Variants in CHRNB2 observed in about 807,000 individuals in gnomAD.
CHRNB2 encodes neuronal acetylcholine receptor subunit beta-2.
In CHRNB2, 33 loss-of-function variants were observed where a neutral mutation model predicts 42.7. The observed-to-expected ratio is 0.77, with a 90% CI of 0.59 to 1.03. The LOEUF is 1.03. Ranked by LOEUF, CHRNB2 falls within the 50% of genes least tolerant of loss-of-function variation. CHRNB2 has a pLI of 0.00. For synonymous variants in CHRNB2, 325 were observed against 292.9 expected, an observed-to-expected ratio of 1.11 and a Z score of -1.12; for missense variants, 603 against 700.9, an observed-to-expected ratio of 0.86 and a Z score of 1.58.
Position 154,572,164 on chromosome 1 carries a change from G to C in CHRNB2, c.1338+3G>C. On this transcript the variant is annotated splice_donor_region_variant and intron_variant, in intron 5 of 5. Transcript: ENST00000368476. The stretch of plus-strand genomic sequence containing the variant: ...GGAGCGAGGACGATGACCAGAGCGT[G>C]AGTGCCGCAGGCTGGGACCCCGGGC... The C allele has an allele frequency of 2.0e-6, 3 of 1,536,948 alleles. No homozygotes were observed. The highest frequency in any genetic ancestry group is 2.6e-6 in the Non-Finnish European group (3 of 1,146,516).
Position 154,571,068 on chromosome 1 carries a change from A to G in CHRNB2, c.366-121A>G. On this transcript the variant is annotated intron_variant, in intron 4 of 5. Coordinates refer to ENST00000368476, the MANE Select transcript of CHRNB2 (RefSeq NM_000748.3). The surrounding 1 kb of genome is among the most constrained non-coding windows in gnomAD (Gnocchi z 6.8). ...TATACTCCTGGATGGTTACTCTCAG[A>G]TCTGGGTGTCCCCTCCCCATGTCTC... is the stretch of plus-strand genomic sequence containing the variant. 2.5e-6 allele frequency: 4 copies of G among 1,584,316 alleles called. No individual in the cohort carries two copies. Among genetic ancestry groups the G allele is most frequent in the Non-Finnish European group, 3.4e-6 (4 of 1,166,282 alleles).
Position 154,571,384 on chromosome 1 carries a change from G to GA in CHRNB2, c.563dup (p.Ser189GlufsTer2), listed in dbSNP as rs1696161734. The GA allele has an allele frequency of 6.2e-7, 1 of 1,614,124 alleles. No individual in the cohort carries two copies. Among genetic ancestry groups the GA allele is most frequent in the African/African-American group, 1.3e-5 (1 of 74,930 alleles). ...ACCGCACAGAGATCGACTTGGTGCT[G>GA]AAGAGTGAGGTGGCCAGCCTGGACG... On this transcript the variant is annotated frameshift_variant, in exon 5 of 6. Transcript: ENST00000368476. LOFTEE classifies it high-confidence loss of function. This position sits in a 1 kb window ranked among gnomAD's most constrained non-coding sequence, Gnocchi z 6.8.
In CHRNB2 at chr1:154,579,433, T is replaced by C. The variant is rs1696346957; in HGVS notation, c.*3501T>C. 6.6e-6 allele frequency: 1 copy of C among 152,234 alleles called. No individual in the cohort carries two copies. The highest frequency in any genetic ancestry group is 1.5e-5 in the Non-Finnish European group (1 of 68,078). The allele number at this position is 152,234 out of a possible 1,614,324, so 9.4% of individuals were successfully genotyped here. A position where few individuals can be genotyped will look rare whatever the true frequency, so the allele number is the denominator to read the frequency against. Reference sequence around the variant, plus strand: ...AAGTCCACACTCTTGCTATAGCCGCTGAGGCAGGCAGAAGAGCTCCTTGGG... The same window carrying C: ...AAGTCCACACTCTTGCTATAGCCGCCGAGGCAGGCAGAAGAGCTCCTTGGG... On this transcript the variant is annotated 3_prime_UTR_variant, in exon 6 of 6. Coordinates refer to ENST00000368476, the MANE Select transcript of CHRNB2 (RefSeq NM_000748.3).
Position 154,579,338 on chromosome 1 carries a change from C to T in CHRNB2, c.*3406C>T, listed in dbSNP as rs201171705. On this transcript the variant is annotated 3_prime_UTR_variant, in exon 6 of 6. Coordinates refer to ENST00000368476, the MANE Select transcript of CHRNB2 (RefSeq NM_000748.3). Reference sequence around the variant, plus strand: ...ACAATCCTATGGGAAGGGGCCTCCACCTACGTAACAGAAATGCGGCTCAGA... The same window carrying T: ...ACAATCCTATGGGAAGGGGCCTCCATCTACGTAACAGAAATGCGGCTCAGA... 1.3e-5 allele frequency: 2 copies of T among 152,244 alleles called. No individual in the cohort carries two copies. Among genetic ancestry groups the T allele is most frequent in the Non-Finnish European group, 2.9e-5 (2 of 68,086 alleles). 9.4% of individuals were successfully genotyped at this position (152,244 alleles called of 1,614,324 possible).
At position 154,578,147 on chromosome 1, in the gene CHRNB2, A is replaced by G. The variant is rs199706962; in HGVS notation, c.*2215A>G. On this transcript the variant is annotated 3_prime_UTR_variant, in exon 6 of 6. Transcript: ENST00000368476. ...ATGGTCCTGGGGAAGGCGTCTTGGAACCAGAAACAGCAACAGGAAAGGAGC... is the reference window on the plus strand; with the variant it reads ...ATGGTCCTGGGGAAGGCGTCTTGGAGCCAGAAACAGCAACAGGAAAGGAGC... The G allele has an allele frequency of 1.2e-4, 19 of 152,382 alleles. No homozygotes were observed. Among genetic ancestry groups the G allele is most frequent in the African/African-American group, 4.3e-4 (18 of 41,554 alleles). The allele number at this position is 152,382 out of a possible 1,614,324, so 9.4% of individuals were successfully genotyped here. A position where few individuals can be genotyped will look rare whatever the true frequency, so the allele number is the denominator to read the frequency against.
In CHRNB2 at chr1:154,571,163, G is replaced by A. The variant is rs753372866; in HGVS notation, c.366-26G>A. The A allele has an allele frequency of 1.2e-6, 2 of 1,614,042 alleles. No individual in the cohort carries two copies. The highest frequency in any genetic ancestry group is 2.2e-5 in the South Asian group (2 of 91,050). On this transcript the variant is annotated intron_variant, in intron 4 of 5. Coordinates refer to ENST00000368476, the MANE Select transcript of CHRNB2 (RefSeq NM_000748.3). This position sits in a 1 kb window ranked among gnomAD's most constrained non-coding sequence, Gnocchi z 6.8. ...AAGGAGGAAGGAACGCTTAGGCCAG[G>A]GCTGACTGTGCCCATCCTTTGGCAG...
chr1:154,573,645 A>G (rs1404252691), intron 5 of CHRNB2, among the ~76,000 whole-genome samples: 3 of 152,168 alleles, frequency 2.0e-5, no homozygotes, highest in Admixed American at 1.3e-4. Context: ...GTCTCCTAAT[A>G]GTCTCCCTGA....
intron 5 of CHRNB2, among the ~76,000 whole-genome samples, chr1:154,572,422 C>T (rs1471273969): frequency 6.6e-6 from 1 of 152,144 alleles, no homozygotes; most frequent in Non-Finnish European, 1.5e-5. Context: ...GGCAAAATGC[C>T]TGAGCTGGGG....
At position 154,572,146 on chromosome 1, in the gene CHRNB2, G is replaced by C. The variant is rs1696185130; in HGVS notation, c.1323G>C (p.Glu441Asp). ...TCATCGCAGACCACATGCGGAGCGA[G>C]GACGATGACCAGAGCGTGAGTGCCG... Reference protein sequence around the residue: ...VRFIADHMRSEDDDQSVSEDW... With the variant: ...VRFIADHMRSDDDDQSVSEDW... Residue 441 changes from glutamate (E) to aspartate (D), a missense_variant, in exon 5 of 6, where the codon GAG (glutamate) becomes GAC (aspartate). Transcript: ENST00000368476. The C allele has an allele frequency of 6.5e-7, 1 of 1,537,828 alleles. No individual in the cohort carries two copies. Among genetic ancestry groups the C allele is most frequent in the Non-Finnish European group, 8.7e-7 (1 of 1,146,576 alleles).
intron 3 of CHRNB2, 112 bp downstream of exon 3, chr1:154,569,948 T>C (rs997279775): frequency 9.5e-6 from 12 of 1,258,974 alleles, no homozygotes; most frequent in East Asian, 2.4e-5. Flanking sequence ...GGTATAGAGT[T>C]TGGAGTCCTA....
chr1:154,573,402 T>A (rs1696213192), intron 5 of CHRNB2, among the ~76,000 whole-genome samples: 1 of 152,162 alleles, frequency 6.6e-6, no homozygotes. Context: ...ACCAACTTGC[T>A]CCTCCACCAG....
intron 2 of CHRNB2, 48 bp from the exon 3 acceptor site, chr1:154,569,744 C>A: frequency 6.2e-7 from 1 of 1,613,788 alleles, no homozygotes; most frequent in Non-Finnish European, 8.5e-7. Context: ...GTGGCAGTGA[C>A]CCCACAGGCT....
rs200582284 is a variant in CHRNB2 at position 154,575,911 on chromosome 1, C to T, written c.1488C>T (p.His496=). ...YTTTTFLHSD[H]SAPSSK ...CCACCACCTTCCTCCACTCAGACCA[C>T]TCAGCCCCCAGCTCCAAGTGAGGCC... The change falls in exon 6 of 6, where the codon CAC becomes CAT. Residue 496 remains histidine, a synonymous_variant. Coordinates refer to ENST00000368476, the MANE Select transcript of CHRNB2 (RefSeq NM_000748.3). 9.5e-5 allele frequency: 154 copies of T among 1,614,240 alleles called. No homozygotes were observed. The highest frequency in any genetic ancestry group is 1.3e-4 in the Non-Finnish European group (150 of 1,180,052).
chr1:154,572,616 G>A (rs1696199112), intron 5 of CHRNB2, among the ~76,000 whole-genome samples: 1 of 152,100 alleles, frequency 6.6e-6, no homozygotes, highest in South Asian at 2.1e-4. Context: ...AGGCAGGAGG[G>A]GGCAACATTG....
chr1:154,576,586 C>T lies in CHRNB2; in HGVS notation c.*654C>T. The stretch of plus-strand genomic sequence containing the variant: ...GGGATCCAGAGACCTGCTCCAGATC[C>T]TCTTTCCCCACTGAAGAATTCTGCA... On this transcript the variant is annotated 3_prime_UTR_variant, in exon 6 of 6. Transcript: ENST00000368476. 6.2e-6 allele frequency: 1 copy of T among 161,794 alleles called. No homozygotes were observed. The highest frequency in any genetic ancestry group is 1.4e-5 in the Non-Finnish European group (1 of 73,468). The allele number at this position is 161,794 out of a possible 1,614,324, so 10.0% of individuals were successfully genotyped here.
intron 5 of CHRNB2, among the ~76,000 whole-genome samples, chr1:154,575,540 G>A (rs941250164): frequency 3.9e-5 from 6 of 152,114 alleles, no homozygotes; most frequent in Non-Finnish European, 5.9e-5. Context: ...CATATTTGTC[G>A]TGGGTGGTCT....
chr1:154,571,436 A>G lies in CHRNB2; in HGVS notation c.613A>G (p.Ile205Val), dbSNP rs568750665. ...DDFTPSGEWD[I>V]VALPGRRNEN... ...CTTCACACCTAGTGGTGAGTGGGACATCGTGGCGCTGCCGGGCCGGCGCAA... is the reference window on the plus strand; with the variant it reads ...CTTCACACCTAGTGGTGAGTGGGACGTCGTGGCGCTGCCGGGCCGGCGCAA... The change falls in exon 5 of 6, where the codon ATC (isoleucine) becomes GTC (valine). Residue 205 changes from isoleucine to valine, a missense_variant. This residue lies in a region of CHRNB2 where 333 missense variants were observed against 452.6 expected (regional missense o/e 0.74). Coordinates refer to ENST00000368476, the MANE Select transcript of CHRNB2 (RefSeq NM_000748.3). This position sits in a 1 kb window ranked among gnomAD's most constrained non-coding sequence, Gnocchi z 6.8. 6.2e-7 allele frequency: 1 copy of G among 1,614,168 alleles called. No individual in the cohort carries two copies. Among genetic ancestry groups the G allele is most frequent in the African/African-American group, 1.3e-5 (1 of 75,042 alleles).
In CHRNB2 at chr1:154,568,071, G is replaced by T. The variant is rs762660260; in HGVS notation, c.27G>T (p.Ala9=). The T allele has an allele frequency of 6.2e-7, 1 of 1,603,330 alleles. No homozygotes were observed. MARRCGPV[A]LLLGFGLLRL... The stretch of plus-strand genomic sequence containing the variant: ...TGGCCCGGCGCTGCGGCCCCGTGGC[G>T]CTGCTCCTTGGCTTCGGCCTCCTCC... Residue 9 remains alanine (A), a synonymous_variant, in exon 1 of 6, where the codon GCG becomes GCT. Coordinates refer to ENST00000368476, the MANE Select transcript of CHRNB2 (RefSeq NM_000748.3).
Position 154,577,947 on chromosome 1 carries a change from C to A in CHRNB2, c.*2015C>A, listed in dbSNP as rs1184501103. ...CTGTACTGGCTGTGGAAGCCTATCA[C>A]TGGGACAGGAAGCCAGTGGCTGCAG... On this transcript the variant is annotated 3_prime_UTR_variant, in exon 6 of 6. Coordinates refer to ENST00000368476, the MANE Select transcript of CHRNB2 (RefSeq NM_000748.3). The A allele has an allele frequency of 6.6e-6, 1 of 152,294 alleles. No homozygotes were observed. Among genetic ancestry groups the A allele is most frequent in the Non-Finnish European group, 1.5e-5 (1 of 68,104 alleles). The allele number at this position is 152,294 out of a possible 1,614,324, so 9.4% of individuals were successfully genotyped here. A position where few individuals can be genotyped will look rare whatever the true frequency, so the allele number is the denominator to read the frequency against.
Sources: gnomAD v4.1 joint callset for allele counts (sites outside exome capture counted in the v4.1 genomes callset) on GRCh38, gnomAD v4.1.1 for gene constraint, gnomAD v4.1.1 regional missense constraint, Gnocchi (gnomAD v3.1) non-coding constraint, MANE v1.5 for transcripts, NCBI Gene and HGNC (gene_info 2026-07-23, HGNC 2026-07-21) for gene names.